SRD5A3: variants seen among roughly 807,000 people sequenced by gnomAD.
The protein encoded by SRD5A3 is steroid 5 alpha-reductase 3, also known as polyprenal reductase.
SRD5A3 carries 24 observed loss-of-function variants against 34.3 expected under a neutral mutation model. That is an observed-to-expected ratio of 0.70 (90% confidence interval 0.51 to 0.99). The LOEUF (loss-of-function observed/expected upper bound fraction) is 0.99. SRD5A3 is among the 50% of genes least tolerant of loss of function. The probability of loss-of-function intolerance (pLI) is 0.00; values close to 1 mark genes in which losing one functional copy is unlikely to be tolerated. For missense variants in SRD5A3, 350 were observed against 388.2 expected (o/e 0.90, Z 0.83); for synonymous variants, 161 against 167.3 (o/e 0.96, Z 0.29).
intron 1 of SRD5A3, among the ~76,000 whole-genome samples, chr4:55,355,980 C>T (rs1719440802): frequency 7.2e-6 from 1 of 139,252 alleles, no homozygotes; most frequent in South Asian, 2.4e-4. Context: ...AATATATGAC[C>T]AATGCTTTCT....
intron 1 of SRD5A3, chr4:55,351,870 G>A: frequency 1.6e-6 from 1 of 610,266 alleles, no homozygotes; most frequent in Non-Finnish European, 3.2e-6. Context: ...TCTATGGTTA[G>A]AAATGTACAT....
At chr4:55,352,498 G>T in intron 1 of SRD5A3, 1 of 603,996 alleles carries the variant, frequency 1.7e-6, no homozygotes, top group Non-Finnish European at 3.0e-6. Flanking sequence ...TGGAGAAATG[G>T]TGAGAACCCC....
At chr4:55,358,689 A>G (rs1719566717) in intron 1 of SRD5A3, among the ~76,000 whole-genome samples, 1 of 151,998 alleles carries the variant, frequency 6.6e-6, no homozygotes, top group South Asian at 2.1e-4. Flanking sequence ...TTGTGGTCCT[A>G]TTTGTATTTA....
intron 1 of SRD5A3, among the ~76,000 whole-genome samples, chr4:55,350,487 G>C (rs1056862445): frequency 2.0e-5 from 3 of 152,066 alleles, no homozygotes; most frequent in African/African-American, 7.2e-5. Context: ...CTTTATGCTT[G>C]TATAATTTTT....
At chr4:55,347,453 A>T (rs996029165) in intron 1 of SRD5A3, among the ~76,000 whole-genome samples, 4 of 151,786 alleles carry the variant, frequency 2.6e-5, no homozygotes, top group Middle Eastern at 3.2e-3. Flanking sequence ...ATATAGTGAG[A>T]CTCCGTCTCT....
chr4:55,366,432 C>A (rs1190448170), intron 3 of SRD5A3, among the ~76,000 whole-genome samples: 1 of 151,720 alleles, frequency 6.6e-6, no homozygotes, highest in East Asian at 1.9e-4. Flanking sequence ...CCTGCCTTGG[C>A]CCCCGCAAAG....
intron 4 of SRD5A3, among the ~76,000 whole-genome samples, chr4:55,368,380 A>G (rs1719985546): frequency 6.7e-6 from 1 of 149,272 alleles, no homozygotes; most frequent in Non-Finnish European, 1.5e-5. Context: ...CTGTCTCAAA[A>G]AAAAAAATTG....
rs1033455071 is a variant in SRD5A3, at chr4:55,348,489, C to T, written c.221+1932C>T. Reference sequence around the variant, plus strand: ...AAGAGTCTATGGCCTCTTTTTTATACGTCTCTGTATTTTCCAAAATGTCTT... The same window carrying T: ...AAGAGTCTATGGCCTCTTTTTTATATGTCTCTGTATTTTCCAAAATGTCTT... On this transcript the variant is annotated intron_variant, in intron 1 of 4. Coordinates refer to ENST00000264228, the MANE Select transcript of SRD5A3 (RefSeq NM_024592.5). Among the ~76,000 whole-genome samples, 7 of 152,084 alleles carry T rather than the reference C, an allele frequency of 4.6e-5. No homozygotes were observed. The East Asian group carries it at 1.2e-3, about 25-fold the overall frequency.
chr4:55,346,684 G>C (rs1051329707), intron 1 of SRD5A3, 127 bp downstream of exon 1: 15 of 894,254 alleles, frequency 1.7e-5, no homozygotes, highest in East Asian at 3.4e-5. Flanking sequence ...GCGGGTTCCC[G>C]GGCGCAGCAC....
rs1361458508 is a variant in SRD5A3 at position 55,372,035 on chromosome 4, TTA to T, written c.*1945_*1946del. The T allele has an allele frequency of 1.3e-5, 2 of 152,340 alleles. No homozygotes were observed. The highest frequency in any genetic ancestry group is 3.9e-4 in the East Asian group (2 of 5,192). 9.4% of individuals were successfully genotyped at this position (152,340 alleles called of 1,614,324 possible). On this transcript the variant is annotated 3_prime_UTR_variant, in exon 5 of 5. Coordinates refer to ENST00000264228, the MANE Select transcript of SRD5A3 (RefSeq NM_024592.5). ...CCCATCAACCAAACACCACTTAAGATTAACCTGTGGCTCAGTCTACTTAAATA... is the reference window on the plus strand; with the variant it reads ...CCCATCAACCAAACACCACTTAAGATACCTGTGGCTCAGTCTACTTAAATA...
chr4:55,346,444 G>A lies in SRD5A3; in HGVS notation c.108G>A (p.Pro36=), dbSNP rs200253126. ...TGACCCTACTGCTGCAGCTCCTGCC[G>A]CCCGGCCTGCTCCCGGGCTGCGCGA... ...FLLTLLLQLL[P]PGLLPGCAIF... The change falls in exon 1 of 5, where the codon CCG becomes CCA. Residue 36 remains proline, a synonymous_variant. Coordinates refer to ENST00000264228, the MANE Select transcript of SRD5A3 (RefSeq NM_024592.5). 2 of 1,606,036 alleles carry A rather than the reference G, an allele frequency of 1.2e-6. No homozygotes were observed. Among genetic ancestry groups the A allele is most frequent in the East Asian group, 2.3e-5 (1 of 44,278 alleles).
intron 1 of SRD5A3, 119 bp downstream of exon 1, chr4:55,346,676 G>T (rs1719011431): frequency 2.1e-6 from 2 of 962,680 alleles, no homozygotes; most frequent in Non-Finnish European, 2.9e-6. Flanking sequence ...AGGCCCTGGC[G>T]GGTTCCCGGG....
intron 1 of SRD5A3, chr4:55,352,475 A>G (rs997919823): frequency 4.6e-6 from 3 of 656,326 alleles, no homozygotes; most frequent in Non-Finnish European, 8.4e-6. Context: ...GAAACTGCCG[A>G]AGGGGTCCAT....
rs757619251 is a variant in SRD5A3 at position 55,346,412 on chromosome 4, T to A, written c.76T>A (p.Phe26Ile). The A allele has an allele frequency of 1.9e-6, 3 of 1,597,572 alleles. No homozygotes were observed. Among genetic ancestry groups the A allele is most frequent in the Non-Finnish European group, 2.6e-6 (3 of 1,173,480 alleles). ...RAVWLTLTAAFLLTLLLQLLP... is the reference protein window; with the variant it reads ...RAVWLTLTAAILLTLLLQLLP... ...GGTGTGGCTCACGCTGACCGCCGCC[T>A]TCCTGCTGACCCTACTGCTGCAGCT... is the stretch of plus-strand genomic sequence containing the variant. Residue 26 changes from phenylalanine (F) to isoleucine (I), a missense_variant, in exon 1 of 5, where the codon TTC becomes ATC. Phe to Ile is a conservative substitution (Grantham distance 21). Coordinates refer to ENST00000264228, the MANE Select transcript of SRD5A3 (RefSeq NM_024592.5).
chr4:55,365,498 T>C (rs1578210841), intron 3 of SRD5A3: 1 of 152,298 alleles, frequency 6.6e-6, no homozygotes, highest in East Asian at 1.9e-4. Context: ...GCCAGTACCA[T>C]GGAAGGGGCT....
At chr4:55,352,530 C>T (rs1165821575) in intron 1 of SRD5A3, 2 of 502,954 alleles carry the variant, frequency 4.0e-6, no homozygotes, top group Non-Finnish European at 3.6e-6. Context: ...GTAAACATTT[C>T]ATGAGTTTAT....
At chr4:55,351,064 G>A (rs1719172552) in intron 1 of SRD5A3, among the ~76,000 whole-genome samples, 2 of 150,202 alleles carry the variant, frequency 1.3e-5, no homozygotes. Flanking sequence ...CCATGTGCCT[G>A]GCCTAAATTT....
At chr4:55,361,656 T>C (rs1291184455) in intron 2 of SRD5A3, among the ~76,000 whole-genome samples, 2 of 151,814 alleles carry the variant, frequency 1.3e-5, no homozygotes, top group East Asian at 3.9e-4. Context: ...TACAAAAAAT[T>C]AGCGGGACGT....
intron 1 of SRD5A3, among the ~76,000 whole-genome samples, chr4:55,356,339 G>A (rs1043320698): frequency 7.2e-6 from 1 of 139,466 alleles, no homozygotes; most frequent in African/African-American, 2.5e-5. Flanking sequence ...TGTTTTTATT[G>A]TGGTAAAATA....
Sources: gnomAD v4.1 joint callset for allele counts (sites outside exome capture counted in the v4.1 genomes callset) on GRCh38, gnomAD v4.1.1 for gene constraint, MANE v1.5 for transcripts, NCBI Gene and HGNC (gene_info 2026-07-23, HGNC 2026-07-21) for gene names.